The following MET variants were observed in gnomAD, a reference collection of about 807,000 sequenced individuals.
MET encodes MET proto-oncogene, receptor tyrosine kinase.
Under a neutral mutation model 133.1 loss-of-function variants are expected in MET, and 48 were observed. That is an observed-to-expected ratio of 0.36 (90% CI 0.29 to 0.46). The LOEUF (loss-of-function observed/expected upper bound fraction) is 0.46, where lower values mean the gene tolerates loss of function less well. MET is among the 20% of genes least tolerant of loss of function. MET has a pLI of 1.00. For synonymous variants in MET, 628 were observed against 616.5 expected (o/e 1.02, Z -0.28); for missense variants, 1,442 against 1,695.9 (o/e 0.85, Z 2.63).
intron 2 of MET, among the ~76,000 whole-genome samples, chr7:116,723,337 T>C (rs1253092794): frequency 6.8e-6 from 1 of 147,272 alleles, no homozygotes; most frequent in Admixed American, 6.8e-5. Context: ...CTCCATCAGC[T>C]CCTTTAAGCA....
At chr7:116,721,483 T>G (rs1278027483) in intron 2 of MET, among the ~76,000 whole-genome samples, 1 of 152,240 alleles carries the variant, frequency 6.6e-6, no homozygotes, top group Non-Finnish European at 1.5e-5. Context: ...TGTCTCTATT[T>G]CCTCAGTTCT....
At chr7:116,790,716 C>A (rs1366572835) in intron 19 of MET, among the ~76,000 whole-genome samples, 1 of 152,142 alleles carries the variant, frequency 6.6e-6, no homozygotes, top group African/African-American at 2.4e-5. Context: ...TAGTTCATCT[C>A]TTTTTATTTT....
At chr7:116,745,866 G>A (rs1490167478) in intron 5 of MET, among the ~76,000 whole-genome samples, 12 of 152,036 alleles carry the variant, frequency 7.9e-5, no homozygotes, top group South Asian at 4.2e-4. Context: ...GGACATAGGC[G>A]TGGGCAAGGA....
Position 116,796,246 on chromosome 7 carries a change from T to C in MET, c.*122T>C. 2 of 891,216 alleles carry C rather than the reference T, an allele frequency of 2.2e-6. No individual in the cohort carries two copies. Among genetic ancestry groups the C allele is most frequent in the Non-Finnish European group, 3.7e-6 (2 of 542,202 alleles). 55.2% of individuals were successfully genotyped at this position (891,216 alleles called of 1,614,324 possible). ...AAATTGCACTATTATAGGACTTGTA[T>C]TGTTATTTAAATTACTGGATTCTAA... On this transcript the variant is annotated 3_prime_UTR_variant, in exon 21 of 21. Coordinates refer to ENST00000397752, the MANE Select transcript of MET (RefSeq NM_000245.4).
chr7:116,725,727 T>C (rs1484493045), intron 2 of MET, among the ~76,000 whole-genome samples: 1 of 151,252 alleles, frequency 6.6e-6, no homozygotes, highest in Admixed American at 6.6e-5. Flanking sequence ...TATTTGTGTA[T>C]CTAAATATAT....
chr7:116,707,863 C>T (rs1288425843), intron 2 of MET, among the ~76,000 whole-genome samples: 1 of 152,152 alleles, frequency 6.6e-6, no homozygotes, highest in Non-Finnish European at 1.5e-5. Context: ...AAGCTAATTA[C>T]ATTACCTGCT....
intron 2 of MET, among the ~76,000 whole-genome samples, chr7:116,708,900 A>G (rs1336719624): frequency 6.6e-6 from 1 of 152,192 alleles, no homozygotes; most frequent in Non-Finnish European, 1.5e-5. Context: ...ACACAAAATA[A>G]GCTCTTTTGA....
chr7:116,755,806 G>A (rs1305710880), intron 6 of MET, among the ~76,000 whole-genome samples: 1 of 152,188 alleles, frequency 6.6e-6, no homozygotes, highest in Non-Finnish European at 1.5e-5. Context: ...AGATTTGCAA[G>A]AGTAGCACTA....
chr7:116,680,268 T>C (rs1421774051), intron 1 of MET, among the ~76,000 whole-genome samples: 2 of 152,230 alleles, frequency 1.3e-5, no homozygotes, highest in Admixed American at 6.5e-5. Flanking sequence ...TTTTATTTCA[T>C]TGGTGGAACC....
rs2116596570 is a variant in MET at position 116,699,821 on chromosome 7, C to T, written c.737C>T (p.Pro246Leu). The T allele has an allele frequency of 1.2e-6, 2 of 1,614,080 alleles. No homozygotes were observed. Among genetic ancestry groups the T allele is most frequent in the Non-Finnish European group, 1.7e-6 (2 of 1,179,968 alleles). ...TTACCTGAGTTCAGAGATTCTTACC[C>T]CATTAAGTATGTCCATGCCTTTGAA... is the stretch of plus-strand genomic sequence containing the variant. ...DVLPEFRDSY[P>L]IKYVHAFESN... Residue 246 changes from proline to leucine, a missense_variant, in exon 2 of 21, where the codon CCC becomes CTC. Physicochemically the swap from Pro to Leu is moderately conservative, Grantham distance 98. Transcript: ENST00000397752.
intron 2 of MET, among the ~76,000 whole-genome samples, chr7:116,708,237 T>A (rs1236700359): frequency 6.6e-6 from 1 of 152,188 alleles, no homozygotes; most frequent in Non-Finnish European, 1.5e-5. Flanking sequence ...ATTTGGTAGT[T>A]GAGTCACAAA....
chr7:116,702,894 CG>C (rs879221608), intron 2 of MET, among the ~76,000 whole-genome samples: 1 of 152,080 alleles, frequency 6.6e-6, no homozygotes, highest in Admixed American at 6.6e-5. Context: ...GTGCCAGGGA[CG>C]GGCCTTTTAC....
Position 116,768,191 on chromosome 7 carries a change from T to C in MET, c.2584-1454T>C, listed in dbSNP as rs75598970. Among the ~76,000 whole-genome samples, 248 of 152,222 alleles carry C rather than the reference T, an allele frequency of 1.6e-3. 7 individuals carry two copies. In the East Asian group the frequency reaches 0.036, roughly 22 times the overall value. On this transcript the variant is annotated intron_variant, in intron 11 of 20. Coordinates refer to ENST00000397752, the MANE Select transcript of MET (RefSeq NM_000245.4). ...CAGGGAGATCCTAAGCCTGAAACCA[T>C]AAGTATTGGAAACACAAATGTTGTA...
intron 15 of MET, 125 bp downstream of exon 15, chr7:116,775,236 A>C: frequency 1.2e-6 from 1 of 869,354 alleles, no homozygotes; most frequent in African/African-American, 1.7e-5. Flanking sequence ...TAACAAGTGT[A>C]CTTGATTTCT....
intron 16 of MET, 124 bp from the exon 17 acceptor site, chr7:116,778,652 T>C: frequency 9.6e-7 from 1 of 1,044,462 alleles, no homozygotes; most frequent in Non-Finnish European, 1.4e-6. Context: ...CACTCTGCAG[T>C]CAAACCCTCA....
rs374619810 is a variant in MET at position 116,757,883 on chromosome 7, GTTTA to G, written c.2102+113_2102+116del. The G allele has an allele frequency of 5.0e-4, 626 of 1,247,682 alleles. 1 individual carries two copies. In the African/African-American group the frequency reaches 7.8e-3, roughly 16 times the overall value. 77.3% of individuals were successfully genotyped at this position (1,247,682 alleles called of 1,614,324 possible). ...GTGTGTGGAGAAGAAAAATCAAGAT[GTTTA>G]TTTGTTTACTCTCCTACTGACAAAA... On this transcript the variant is annotated intron_variant, in intron 8 of 20. Coordinates refer to ENST00000397752, the MANE Select transcript of MET (RefSeq NM_000245.4).
intron 1 of MET, among the ~76,000 whole-genome samples, chr7:116,698,704 CCA>C (rs1429701261): frequency 6.6e-6 from 1 of 152,158 alleles, no homozygotes; most frequent in African/African-American, 2.4e-5. Flanking sequence ...TAGTCATTAA[CCA>C]CAGTTATTAA....
At chr7:116,786,050 C>T (rs530808656) in intron 19 of MET, among the ~76,000 whole-genome samples, 1 of 152,320 alleles carries the variant, frequency 6.6e-6, no homozygotes, top group East Asian at 1.9e-4. Flanking sequence ...GCTTAAACAA[C>T]AAAAATGTAT....
At chr7:116,724,533 A>G (rs906054424) in intron 2 of MET, among the ~76,000 whole-genome samples, 4 of 152,202 alleles carry the variant, frequency 2.6e-5, no homozygotes, top group Admixed American at 6.5e-5. Flanking sequence ...AAAATTTCCT[A>G]TAAAATCCAG....
Sources: allele counts gnomAD v4.1 joint callset (sites outside exome capture counted in the v4.1 genomes callset), GRCh38; gene constraint gnomAD v4.1.1; transcripts MANE v1.5; gene names NCBI Gene and HGNC (gene_info 2026-07-23, HGNC 2026-07-21).